Variants in DTNBP1 observed in about 807,000 individuals in gnomAD.
DTNBP1 encodes dystrobrevin binding protein 1, also known as dysbindin.
Under a neutral mutation model 42.8 loss-of-function variants are expected in DTNBP1, and 35 were observed. That is an observed-to-expected ratio of 0.82 (90% confidence interval 0.63 to 1.09). The LOEUF (loss-of-function observed/expected upper bound fraction) is 1.09, where lower values mean the gene tolerates loss of function less well. DTNBP1 is among the 50% of genes least tolerant of loss of function. The pLI is 0.00. For missense variants in DTNBP1, 457 were observed against 424.2 expected (o/e 1.08, Z -0.68); for synonymous variants, 171 against 162.2 (o/e 1.05, Z -0.41).
intron 7 of DTNBP1, among the ~76,000 whole-genome samples, chr6:15,572,252 A>T (rs1258356214): frequency 6.6e-6 from 1 of 152,198 alleles, no homozygotes; most frequent in Non-Finnish European, 1.5e-5. Flanking sequence ...TTACTTGCCC[A>T]AGGACATGCA....
chr6:15,632,898 C>T (rs1288418346), intron 4 of DTNBP1, among the ~76,000 whole-genome samples: 1 of 152,092 alleles, frequency 6.6e-6, no homozygotes, highest in Non-Finnish European at 1.5e-5. Flanking sequence ...AGGTAGAATG[C>T]CTTTTATTAT....
At chr6:15,624,773 T>C (rs1335237243) in intron 5 of DTNBP1, among the ~76,000 whole-genome samples, 2 of 152,036 alleles carry the variant, frequency 1.3e-5, no homozygotes, top group Admixed American at 6.5e-5. Flanking sequence ...TAATATTATG[T>C]CAAGGTATTT....
intron 7 of DTNBP1, among the ~76,000 whole-genome samples, chr6:15,588,924 T>G (rs1581365607): frequency 6.6e-6 from 1 of 152,238 alleles, no homozygotes; most frequent in South Asian, 2.1e-4. Flanking sequence ...ATTTCTATTA[T>G]TTCTATATTA....
intron 6 of DTNBP1, among the ~76,000 whole-genome samples, chr6:15,609,862 T>G (rs530325038): frequency 2.0e-5 from 3 of 152,328 alleles, no homozygotes; most frequent in Non-Finnish European, 4.4e-5. Context: ...TTTCACCACA[T>G]ACATACAACC....
At chr6:15,554,201 T>C (rs1046187030) in intron 7 of DTNBP1, among the ~76,000 whole-genome samples, 1 of 152,192 alleles carries the variant, frequency 6.6e-6, no homozygotes, top group Non-Finnish European at 1.5e-5. Context: ...AAGGCTCCCA[T>C]GTCACATAAA....
chr6:15,652,350 C>A (rs1761051325), intron 1 of DTNBP1, among the ~76,000 whole-genome samples: 1 of 151,748 alleles, frequency 6.6e-6, no homozygotes, highest in African/African-American at 2.4e-5. Context: ...TGGGTAATTT[C>A]TTTTTTTATT....
chr6:15,609,414 G>A (rs1466617132), intron 6 of DTNBP1, among the ~76,000 whole-genome samples: 2 of 151,872 alleles, frequency 1.3e-5, no homozygotes, highest in African/African-American at 2.4e-5. Flanking sequence ...CCGCCTCCCG[G>A]GTTCAAGTAA....
At chr6:15,577,645 T>C (rs1251635720) in intron 7 of DTNBP1, among the ~76,000 whole-genome samples, 1 of 152,172 alleles carries the variant, frequency 6.6e-6, no homozygotes, top group Non-Finnish European at 1.5e-5. Flanking sequence ...CTGCAGATTT[T>C]GACAGGTTGA....
chr6:15,594,889 T>C (rs1369900117), intron 6 of DTNBP1, among the ~76,000 whole-genome samples: 1 of 152,168 alleles, frequency 6.6e-6, no homozygotes, highest in Admixed American at 6.5e-5. Flanking sequence ...GAATAATGAT[T>C]TCACAGACAC....
At chr6:15,586,664 CAAGCACCTG>C (rs1330590549) in intron 7 of DTNBP1, among the ~76,000 whole-genome samples, 1 of 152,054 alleles carries the variant, frequency 6.6e-6, no homozygotes, top group African/African-American at 2.4e-5. Context: ...ACCAAAGTGC[CAAGCACCTG>C]AGTCACAATG....
chr6:15,658,450 GC>G (rs1156880402), intron 1 of DTNBP1, among the ~76,000 whole-genome samples: 1 of 152,208 alleles, frequency 6.6e-6, no homozygotes, highest in Non-Finnish European at 1.5e-5. Context: ...AGGACACTGG[GC>G]AGGGGTGCAG....
intron 7 of DTNBP1, among the ~76,000 whole-genome samples, chr6:15,545,090 G>T (rs569418801): frequency 1.3e-5 from 2 of 151,696 alleles, no homozygotes; most frequent in East Asian, 3.9e-4. Flanking sequence ...TTTCAAATAA[G>T]GTATACACAA....
chr6:15,524,481 A>G (rs1395969772), intron 9 of DTNBP1, 45 bp downstream of exon 9: 2 of 1,612,980 alleles, frequency 1.2e-6, no homozygotes, highest in East Asian at 2.2e-5. Context: ...GGGGAGTGGC[A>G]TCGATACTGC....
chr6:15,580,888 C>T (rs552544496), intron 7 of DTNBP1, among the ~76,000 whole-genome samples: 1 of 152,296 alleles, frequency 6.6e-6, no homozygotes, highest in East Asian at 1.9e-4. Flanking sequence ...CAGGTACAAA[C>T]ACCATTTTTA....
intron 7 of DTNBP1, among the ~76,000 whole-genome samples, chr6:15,536,305 T>C (rs1773223514): frequency 6.6e-6 from 1 of 152,266 alleles, no homozygotes; most frequent in African/African-American, 2.4e-5. Context: ...TCAGAGATTT[T>C]GGCAGCAGCC....
intron 4 of DTNBP1, among the ~76,000 whole-genome samples, chr6:15,630,456 G>A (rs545062887): frequency 2.6e-5 from 4 of 152,296 alleles, no homozygotes; most frequent in African/African-American, 4.8e-5. Flanking sequence ...AATCTTGAAA[G>A]TTCAATTTGA....
intron 7 of DTNBP1, among the ~76,000 whole-genome samples, chr6:15,591,253 C>A (rs1243055859): frequency 6.6e-6 from 1 of 151,842 alleles, no homozygotes; most frequent in Non-Finnish European, 1.5e-5. Flanking sequence ...GGGGGTACCA[C>A]CACGCCTGAC....
intron 3 of DTNBP1, among the ~76,000 whole-genome samples, chr6:15,645,056 A>G (rs974210352): frequency 2.0e-5 from 3 of 152,014 alleles, no homozygotes; most frequent in Non-Finnish European, 4.4e-5. Flanking sequence ...GAAAAAAAGA[A>G]AAGAGATTCA....
At chr6:15,585,999 G>A (rs1776065890) in intron 7 of DTNBP1, 8 of 1,278,410 alleles carry the variant, frequency 6.3e-6, no homozygotes, top group East Asian at 2.9e-5. Context: ...AAGCTCTCAG[G>A]GGCTCTAGTG....
Sources: allele counts gnomAD v4.1 joint callset (sites outside exome capture counted in the v4.1 genomes callset), GRCh38; gene constraint gnomAD v4.1.1; transcripts MANE v1.5; gene names NCBI Gene and HGNC (gene_info 2026-07-23, HGNC 2026-07-21).